RUNDC3A: variants seen among roughly 807,000 people sequenced by gnomAD.
RUNDC3A encodes RUN domain containing 3A, also known as RUN domain-containing protein 3A.
A neutral mutation model predicts 53.9 loss-of-function variants in RUNDC3A; 28 were observed. The observed-to-expected ratio is 0.52, with a 90% CI of 0.38 to 0.71. The LOEUF (loss-of-function observed/expected upper bound fraction) is 0.71. Ranked by LOEUF, RUNDC3A falls within the 30% of genes least tolerant of loss-of-function variation. The probability of loss-of-function intolerance (pLI) is 0.00; values close to 1 mark genes in which losing one functional copy is unlikely to be tolerated. For synonymous variants in RUNDC3A, 232 were observed against 249.4 expected, an observed-to-expected ratio of 0.93 and a Z score of 0.66; for missense variants, 491 against 597.3, an observed-to-expected ratio of 0.82 and a Z score of 1.85.
In RUNDC3A at chr17:44,315,053, G is replaced by A. The variant is rs376591902; in HGVS notation, c.629+44G>A. ...GCGGCGGGGCGGGGGACGGGGCCTC[G>A]GGACATCCTGGGGACGTCCTGGTCC... On this transcript the variant is annotated intron_variant, in intron 6 of 10. Coordinates refer to ENST00000426726, the MANE Select transcript of RUNDC3A (RefSeq NM_001144825.2). The surrounding 1 kb of genome is among the most constrained non-coding windows in gnomAD (Gnocchi z 6.1). The A allele has an allele frequency of 5.2e-5, 84 of 1,611,274 alleles. No homozygotes were observed. Among genetic ancestry groups the A allele is most frequent in the Non-Finnish European group, 9.3e-6 (11 of 1,179,102 alleles).
chr17:44,317,832 T>C (rs951524614), intron 10 of RUNDC3A: 7 of 592,946 alleles, frequency 1.2e-5, no homozygotes, highest in African/African-American at 1.1e-4. Flanking sequence ...GTGCTCACTG[T>C]GTATTTAATA....
chr17:44,314,682 G>T (rs557051971), intron 4 of RUNDC3A, 53 bp from the exon 5 acceptor site: 34 of 1,268,294 alleles, frequency 2.7e-5, no homozygotes, highest in East Asian at 1.1e-4. Flanking sequence ...TCTGGGGGGG[G>T]GGGGGGCGCT....
intron 2 of RUNDC3A, 22 bp from the exon 3 acceptor site, chr17:44,313,082 C>T: frequency 6.2e-7 from 1 of 1,611,378 alleles, no homozygotes; most frequent in South Asian, 1.1e-5. Flanking sequence ...TCTTGCTGAG[C>T]CCCCTCCCTG....
intron 1 of RUNDC3A, among the ~76,000 whole-genome samples, chr17:44,312,243 C>A (rs1373570437): frequency 1.3e-5 from 2 of 152,280 alleles, no homozygotes; most frequent in African/African-American, 4.8e-5. Context: ...GCTCCTGGAC[C>A]GCCCCCGGCT....
At chr17:44,309,052 G>A (rs977262835) in intron 1 of RUNDC3A, 113 bp downstream of exon 1, 12 of 709,514 alleles carry the variant, frequency 1.7e-5, no homozygotes, top group Non-Finnish European at 2.3e-5. Context: ...GAAAAGGGTC[G>A]AGAATAATGC....
rs2047920243 is a variant in RUNDC3A, at chr17:44,318,470, C to T, written c.*232C>T. 1.8e-6 allele frequency: 1 copy of T among 551,876 alleles called. No individual in the cohort carries two copies. Among genetic ancestry groups the T allele is most frequent in the Non-Finnish European group, 3.2e-6 (1 of 308,564 alleles). The allele number at this position is 551,876 out of a possible 1,614,324, so 34.2% of individuals were successfully genotyped here. A position where few individuals can be genotyped will look rare whatever the true frequency, so the allele number is the denominator to read the frequency against. On this transcript the variant is annotated 3_prime_UTR_variant, in exon 11 of 11. Transcript: ENST00000426726. ...GCAGGGGTGCCCAAGCCACAGGGAG[C>T]CCCTGGGGAAGCCTGCTCCATTCTT...
chr17:44,311,483 A>G (rs2047746182), intron 1 of RUNDC3A: 1 of 361,992 alleles, frequency 2.8e-6, no homozygotes. Context: ...GAGTAATACT[A>G]AGAGGACCTA....
chr17:44,314,246 C>T, intron 4 of RUNDC3A: 1 of 1,002,332 alleles, frequency 1.0e-6, no homozygotes, highest in Non-Finnish European at 1.2e-6. Flanking sequence ...AGGTTGGGTG[C>T]CTGAGGCAAG....
intron 4 of RUNDC3A, chr17:44,313,736 C>T (rs373219273): frequency 6.4e-6 from 8 of 1,244,746 alleles, no homozygotes; most frequent in East Asian, 3.5e-5. Context: ...GGCTGGAGTG[C>T]GATGGCGCGA....
Position 44,316,642 on chromosome 17 carries a change from CGCTG to C in RUNDC3A, c.1116_1119del (p.Leu373GlnfsTer6). 2.6e-6 allele frequency: 4 copies of C among 1,550,934 alleles called. No individual in the cohort carries two copies. The highest frequency in any genetic ancestry group is 3.5e-6 in the Non-Finnish European group (4 of 1,147,084). ...AGACACAGCTTCATGAGCACGGAGC[CGCTG>C]TCAGCTGAAGCCAGTCTGAGCTCGG... On this transcript the variant is annotated frameshift_variant, in exon 10 of 11. Transcript: ENST00000426726. LOFTEE classifies it high-confidence loss of function.
intron 4 of RUNDC3A, 169 bp from the exon 5 acceptor site, chr17:44,314,566 C>T (rs550717377): frequency 2.1e-6 from 3 of 1,441,002 alleles, no homozygotes; most frequent in Non-Finnish European, 2.7e-6. Context: ...GCCACAGGTG[C>T]GAGCCCCAGG....
At chr17:44,312,299 C>T (rs367956769) in intron 1 of RUNDC3A, among the ~76,000 whole-genome samples, 7 of 152,122 alleles carry the variant, frequency 4.6e-5, no homozygotes, top group African/African-American at 1.7e-4. Context: ...CCCCTTGCTC[C>T]CGAAGCTTCC....
rs1166677388 is a variant in RUNDC3A, at chr17:44,318,567, C to T, written c.*329C>T. ...AACTGGTGGCCCAGCTTCCACACCCCCACCTCCCAGTCTCTAGCCTCTCCA... is the reference window on the plus strand; with the variant it reads ...AACTGGTGGCCCAGCTTCCACACCCTCACCTCCCAGTCTCTAGCCTCTCCA... On this transcript the variant is annotated 3_prime_UTR_variant, in exon 11 of 11. Coordinates refer to ENST00000426726, the MANE Select transcript of RUNDC3A (RefSeq NM_001144825.2). 6.1e-6 allele frequency: 2 copies of T among 325,924 alleles called. No homozygotes were observed. The highest frequency in any genetic ancestry group is 2.1e-5 in the African/African-American group (1 of 48,136). The allele number at this position is 325,924 out of a possible 1,614,324, so 20.2% of individuals were successfully genotyped here.
chr17:44,314,609 C>T, intron 4 of RUNDC3A, 126 bp from the exon 5 acceptor site: 1 of 1,459,232 alleles, frequency 6.9e-7, no homozygotes, highest in South Asian at 1.3e-5. Context: ...GGCCTGCGTG[C>T]AGATCAGGAA....
intron 1 of RUNDC3A, 112 bp downstream of exon 1, chr17:44,309,051 C>A: frequency 2.8e-6 from 2 of 720,380 alleles, no homozygotes; most frequent in South Asian, 1.9e-5. Flanking sequence ...AGAAAAGGGT[C>A]GAGAATAATG....
Position 44,318,208 on chromosome 17 carries a change from C to G in RUNDC3A, c.1311C>G (p.Pro437=), listed in dbSNP as rs147484929. Residue 437 remains proline, a synonymous_variant, in exon 11 of 11, where the codon CCC becomes CCG. Transcript: ENST00000426726. The part of the protein sequence containing the change: ...KSNECLVSDS[P]EGSPALSPS Reference sequence around the variant, plus strand: ...ACGAGTGCCTGGTGAGCGACAGTCCCGAGGGCAGCCCAGCACTGAGCCCCA... The same window carrying G: ...ACGAGTGCCTGGTGAGCGACAGTCCGGAGGGCAGCCCAGCACTGAGCCCCA... 7.7e-4 allele frequency: 1,196 copies of G among 1,551,214 alleles called. 3 individuals are homozygous for G. Among genetic ancestry groups the G allele is most frequent in the Non-Finnish European group, 8.6e-4 (984 of 1,146,976 alleles).
In RUNDC3A at chr17:44,308,903, T is replaced by G. The variant is rs377585188; in HGVS notation, c.71T>G (p.Val24Gly). The G allele has an allele frequency of 3.1e-5, 50 of 1,590,268 alleles. No individual in the cohort carries two copies. The highest frequency in any genetic ancestry group is 4.3e-5 in the Non-Finnish European group (50 of 1,167,716). ...TCCAAGAAAGCGTCCTCTCGCAACG[T>G]GGCTGTGGAGCGTAAGAACCTGATC... is the stretch of plus-strand genomic sequence containing the variant. ...LSSKKASSRN[V>G]AVERKNLITV... is the part of the protein sequence containing the mutation. Residue 24 changes from valine to glycine, a missense_variant, in exon 1 of 11, where the codon GTG (valine) becomes GGG (glycine). Coordinates refer to ENST00000426726, the MANE Select transcript of RUNDC3A (RefSeq NM_001144825.2).
In RUNDC3A at chr17:44,318,329, C is replaced by T; in HGVS notation, c.*91C>T. 1 of 1,387,822 alleles carries T rather than the reference C, an allele frequency of 7.2e-7. No individual in the cohort carries two copies. Among genetic ancestry groups the T allele is most frequent in the Admixed American group, 2.0e-5 (1 of 49,116 alleles). 86.0% of individuals were successfully genotyped at this position (1,387,822 alleles called of 1,614,324 possible). On this transcript the variant is annotated 3_prime_UTR_variant, in exon 11 of 11. Transcript: ENST00000426726. ...CAAGAGTCCCCCAATCCAGGCTACC[C>T]TTCCAGAGAACGCTACCCACCCAGC...
In RUNDC3A at chr17:44,308,817, G is replaced by C. The variant is rs1490533364; in HGVS notation, c.-16G>C. 1.3e-6 allele frequency: 2 copies of C among 1,568,950 alleles called. No homozygotes were observed. The highest frequency in any genetic ancestry group is 8.7e-7 in the Non-Finnish European group (1 of 1,152,090). On this transcript the variant is annotated 5_prime_UTR_variant, in exon 1 of 11. Transcript: ENST00000426726. ...GGGGGGGCAGCGGGCGGCGGCAGCA[G>C]TGGCCGCACATCTGGATGGAAGCGA...
Sources: gnomAD v4.1 joint callset for allele counts (sites outside exome capture counted in the v4.1 genomes callset) on GRCh38, gnomAD v4.1.1 for gene constraint, Gnocchi (gnomAD v3.1) non-coding constraint, MANE v1.5 for transcripts, NCBI Gene and HGNC (gene_info 2026-07-23, HGNC 2026-07-21) for gene names.